Variants in MEGF11 observed in about 807,000 individuals in gnomAD.
MEGF11 encodes the protein multiple EGF like domains 11, also known as multiple epidermal growth factor-like domains protein 11.
MEGF11 carries 126 observed loss-of-function variants against 146.6 expected under a neutral mutation model. The observed-to-expected ratio is 0.86, with a 90% CI of 0.74 to 1.00. The LOEUF (loss-of-function observed/expected upper bound fraction) is 1.00. Ranked by LOEUF, MEGF11 falls within the 50% of genes least tolerant of loss-of-function variation. The probability of loss-of-function intolerance (pLI) is 0.00; values close to 1 mark genes in which losing one functional copy is unlikely to be tolerated. For synonymous variants in MEGF11, 532 were observed against 583.4 expected (o/e 0.91, Z 1.27); for missense variants, 1,509 against 1,521.2 (o/e 0.99, Z 0.13).
chr15:65,978,912 A>C (rs1343225714), intron 7 of MEGF11, among the ~76,000 whole-genome samples: 1 of 152,112 alleles, frequency 6.6e-6, no homozygotes, highest in Non-Finnish European at 1.5e-5. Context: ...CAGCTTCTTC[A>C]TCTGAGAAAG....
intron 9 of MEGF11, 73 bp from the exon 10 acceptor site, chr15:65,957,794 C>A: frequency 6.8e-7 from 1 of 1,480,376 alleles, no homozygotes; most frequent in Non-Finnish European, 9.3e-7. Context: ...TCTGTCTACC[C>A]CAAGCCTGGC....
chr15:65,984,390 G>A lies in MEGF11; in HGVS notation c.395-1902C>T, dbSNP rs191517692. 1.7e-3 allele frequency among the ~76,000 whole-genome samples: 252 copies of A among 152,076 alleles called. 2 individuals carry two copies. The highest frequency in any genetic ancestry group is 9.4e-3 in the South Asian group (45 of 4,798). ...AAATACAAAAAATTAGACTGGCGTG[G>A]CAGCATGCGCCTGTAGTCCCAGCTA... On this transcript the variant is annotated intron_variant, in intron 5 of 25. Transcript: ENST00000395614.
intron 5 of MEGF11, among the ~76,000 whole-genome samples, chr15:66,086,492 T>C (rs917657214): frequency 2.0e-5 from 3 of 152,170 alleles, no homozygotes; most frequent in Non-Finnish European, 4.4e-5. Context: ...CTAGAAGGGA[T>C]TGGGGACCCA....
chr15:66,054,128 C>T (rs1460800040), intron 5 of MEGF11, among the ~76,000 whole-genome samples: 1 of 152,142 alleles, frequency 6.6e-6, no homozygotes, highest in Non-Finnish European at 1.5e-5. Flanking sequence ...CCCAGCTCTG[C>T]TCAGTTCCCT....
At chr15:65,970,839 TAGAGATG>T in intron 7 of MEGF11, 150 bp from the exon 8 acceptor site, 1 of 844,556 alleles carries the variant, frequency 1.2e-6, no homozygotes, top group Non-Finnish European at 1.8e-6. Flanking sequence ...GCCCTCCTCT[TAGAGATG>T]GGAGATGGGA....
At chr15:66,216,726 T>A (rs772007633) in intron 1 of MEGF11, among the ~76,000 whole-genome samples, 1 of 152,150 alleles carries the variant, frequency 6.6e-6, no homozygotes, top group Non-Finnish European at 1.5e-5. Flanking sequence ...AATGGACGTA[T>A]CTCAGGCTGG....
intron 5 of MEGF11, among the ~76,000 whole-genome samples, chr15:66,043,452 T>C (rs2084071109): frequency 1.3e-5 from 2 of 152,254 alleles, no homozygotes; most frequent in African/African-American, 4.8e-5. Context: ...GCCACGATAA[T>C]ACCACACTGC....
At position 66,204,955 on chromosome 15, in the gene MEGF11, A is replaced by G. The variant is rs2091262335; in HGVS notation, c.-9+48650T>C. On this transcript the variant is annotated intron_variant, in intron 1 of 25. Coordinates refer to ENST00000395614, the MANE Select transcript of MEGF11 (RefSeq NM_001385028.1). ...GGAACTTTAAGCCCCAAGGAACAAC[A>G]TGGTGGTGTGTTCCTTGGGTTGAAT... Among the ~76,000 whole-genome samples, 4 of 149,958 alleles carry G rather than the reference A, an allele frequency of 2.7e-5. No individual in the cohort carries two copies. In the South Asian group the frequency reaches 8.5e-4, roughly 32 times the overall value.
At chr15:66,136,453 G>T (rs376350209) in intron 1 of MEGF11, among the ~76,000 whole-genome samples, 9 of 152,172 alleles carry the variant, frequency 5.9e-5, no homozygotes, top group African/African-American at 2.2e-4. Context: ...AGAAGAGCCT[G>T]GCTGTCAGCC....
chr15:66,057,236 G>A (rs1351187720), intron 5 of MEGF11, among the ~76,000 whole-genome samples: 1 of 152,156 alleles, frequency 6.6e-6, no homozygotes, highest in Non-Finnish European at 1.5e-5. Context: ...AGCAAAACGA[G>A]GGTAGGGCGT....
intron 1 of MEGF11, among the ~76,000 whole-genome samples, chr15:66,239,574 G>A (rs1350350641): frequency 1.3e-5 from 2 of 152,214 alleles, no homozygotes; most frequent in African/African-American, 4.8e-5. Context: ...CTTTCTGGGT[G>A]GAGAGCTAGG....
At chr15:66,044,850 C>CAAAAAAAAAAAAAA (rs140901440) in intron 5 of MEGF11, among the ~76,000 whole-genome samples, 2 of 90,700 alleles carry the variant, frequency 2.2e-5, no homozygotes, top group African/African-American at 1.0e-4. Context: ...GACCTTATCT[C>CAAAAAAAAAAAAAA]AAAAAAAAAA....
intron 10 of MEGF11, among the ~76,000 whole-genome samples, chr15:65,933,578 G>T (rs145545007): frequency 6.6e-6 from 1 of 152,340 alleles, no homozygotes; most frequent in African/African-American, 2.4e-5. Flanking sequence ...CCTGGTCTTT[G>T]CGACAGTCCT....
At chr15:66,013,696 GC>G (rs1047425041) in intron 5 of MEGF11, among the ~76,000 whole-genome samples, 5 of 152,174 alleles carry the variant, frequency 3.3e-5, no homozygotes, top group Non-Finnish European at 5.9e-5. Flanking sequence ...ACACCCAAGG[GC>G]CGTATAATAG....
intron 5 of MEGF11, among the ~76,000 whole-genome samples, chr15:66,002,140 T>A (rs2082386824): frequency 6.6e-6 from 1 of 152,148 alleles, no homozygotes; most frequent in African/African-American, 2.4e-5. Context: ...CTTGCCTGCA[T>A]CTTGGTGGTG....
At chr15:66,091,925 C>G (rs1477793) in intron 5 of MEGF11, among the ~76,000 whole-genome samples, 94,465 of 152,008 alleles carry the variant, frequency 0.62, 30,844 homozygotes, top group Non-Finnish European at 0.73. Flanking sequence ...TCTTCTAATA[C>G]CTGACCCATT....
At chr15:66,187,810 C>A (rs2090751568) in intron 1 of MEGF11, among the ~76,000 whole-genome samples, 1 of 152,256 alleles carries the variant, frequency 6.6e-6, no homozygotes, top group African/African-American at 2.4e-5. Flanking sequence ...TCCTGAGGAT[C>A]CGCCAGCCGG....
chr15:65,940,794 G>A (rs1295147372), intron 10 of MEGF11, among the ~76,000 whole-genome samples: 1 of 152,226 alleles, frequency 6.6e-6, no homozygotes, highest in Non-Finnish European at 1.5e-5. Flanking sequence ...GTGGGAGGAG[G>A]AGAAAGGTTA....
intron 10 of MEGF11, among the ~76,000 whole-genome samples, chr15:65,938,193 A>G (rs1310920996): frequency 6.6e-6 from 1 of 152,256 alleles, no homozygotes; most frequent in East Asian, 1.9e-4. Flanking sequence ...GACACTGGGA[A>G]TCACCTGGTC....
Sources: allele counts gnomAD v4.1 joint callset (sites outside exome capture counted in the v4.1 genomes callset), GRCh38; gene constraint gnomAD v4.1.1; transcripts MANE v1.5; gene names NCBI Gene and HGNC (gene_info 2026-07-23, HGNC 2026-07-21).